The following PREPL variants were observed in gnomAD, a reference collection of about 807,000 sequenced individuals.
PREPL encodes the protein prolyl endopeptidase like, also known as prolyl endopeptidase-like.
PREPL carries 77 observed loss-of-function variants against 70.6 expected under a neutral mutation model. The observed-to-expected ratio is 1.09, with a 90% CI of 0.91 to 1.32. PREPL has a LOEUF of 1.32. PREPL is among the 40% of genes most tolerant of loss of function. PREPL has a pLI of 0.00. For missense variants in PREPL, 1,002 were observed against 778.2 expected, an observed-to-expected ratio of 1.29 and a Z score of -3.42; for synonymous variants, 315 against 264.8, an observed-to-expected ratio of 1.19 and a Z score of -1.84.
intron 3 of PREPL, 146 bp from the exon 4 acceptor site, chr2:44,344,097 C>A (rs1675519757): frequency 4.1e-6 from 4 of 983,232 alleles, no homozygotes; most frequent in Non-Finnish European, 5.8e-6. Flanking sequence ...GCTTAACTTG[C>A]ACATCAACTG....
In PREPL at chr2:44,318,314, A is replaced by C; in HGVS notation, c.*3042T>G. ...ACCATGTTGGCCAGGCTGGTCTTGAACTCCTGACCTCTGGTGATCTGTCTG... is the reference window on the plus strand; with the variant it reads ...ACCATGTTGGCCAGGCTGGTCTTGACCTCCTGACCTCTGGTGATCTGTCTG... On this transcript the variant is annotated 3_prime_UTR_variant, in exon 14 of 14. Coordinates refer to ENST00000409411, the MANE Select transcript of PREPL (RefSeq NM_001171613.2). The C allele has an allele frequency of 4.5e-6, 1 of 222,022 alleles. No individual in the cohort carries two copies. Among genetic ancestry groups the C allele is most frequent in the Non-Finnish European group, 9.3e-6 (1 of 107,202 alleles). 13.8% of individuals were successfully genotyped at this position (222,022 alleles called of 1,614,324 possible). A position where few individuals can be genotyped will look rare whatever the true frequency, so the allele number is the denominator to read the frequency against.
rs1438845878 is a variant in PREPL, at chr2:44,317,889, CAG to C, written c.*3465_*3466del. ...TAGCCTATTAAAAGATAAAACCACT[CAG>C]ATAACAAAAACAGACATAAGAAACA... is the stretch of plus-strand genomic sequence containing the variant. On this transcript the variant is annotated 3_prime_UTR_variant, in exon 14 of 14. Transcript: ENST00000409411. The C allele has an allele frequency of 4.6e-6, 1 of 218,970 alleles. No homozygotes were observed. Among genetic ancestry groups the C allele is most frequent in the African/African-American group, 2.4e-5 (1 of 41,926 alleles). The allele number at this position is 218,970 out of a possible 1,614,324, so 13.6% of individuals were successfully genotyped here.
chr2:44,334,241 G>A (rs1461615281), intron 7 of PREPL, among the ~76,000 whole-genome samples: 2 of 152,152 alleles, frequency 1.3e-5, no homozygotes, highest in Non-Finnish European at 2.9e-5. Flanking sequence ...CCAGGAGATA[G>A]GGAGACATTC....
intron 11 of PREPL, 63 bp from the exon 12 acceptor site, chr2:44,322,917 G>A: frequency 1.3e-6 from 2 of 1,553,260 alleles, no homozygotes; most frequent in Non-Finnish European, 1.7e-6. Context: ...CCACTATAGA[G>A]ACTATGAAAA....
At chr2:44,332,431 A>G (rs755005718) in intron 8 of PREPL, 28 bp downstream of exon 8, 20 of 1,561,982 alleles carry the variant, frequency 1.3e-5, no homozygotes, top group Non-Finnish European at 1.7e-5. Flanking sequence ...AGTAAATGGG[A>G]GCTGAAAGTG....
intron 7 of PREPL, among the ~76,000 whole-genome samples, chr2:44,333,905 C>T (rs892869493): frequency 6.6e-6 from 1 of 152,104 alleles, no homozygotes; most frequent in African/African-American, 2.4e-5. Context: ...GTTCCTTAGC[C>T]CATGGAAGCT....
chr2:44,327,007 A>C (rs1673574916), intron 9 of PREPL, 79 bp from the exon 10 acceptor site: 1 of 1,239,178 alleles, frequency 8.1e-7, no homozygotes, highest in Non-Finnish European at 1.2e-6. Context: ...CTACACCTGG[A>C]GGCCTGTTTT....
At chr2:44,344,728 A>C (rs1675601081) in intron 2 of PREPL, 142 bp from the exon 3 acceptor site, 1 of 562,246 alleles carries the variant, frequency 1.8e-6, no homozygotes, top group South Asian at 3.9e-5. Context: ...ATGAAATATA[A>C]AATTGACCAT....
chr2:44,323,784 G>C (rs570911543), intron 10 of PREPL, among the ~76,000 whole-genome samples: 11 of 152,232 alleles, frequency 7.2e-5, no homozygotes, highest in Admixed American at 6.5e-4. Context: ...AACAAGTATT[G>C]GCAGTAATGT....
rs1142523 is a variant in PREPL at position 44,318,437 on chromosome 2, T to C, written c.*2919A>G. ...AAGACACAAGAAATGATTTAAATAT[T>C]TTATCAACAGAAAACCAGTTCTATC... On this transcript the variant is annotated 3_prime_UTR_variant, in exon 14 of 14. Coordinates refer to ENST00000409411, the MANE Select transcript of PREPL (RefSeq NM_001171613.2). The C allele has an allele frequency of 0.65, 114,039 of 174,828 alleles. 37,924 individuals are homozygous for C. Among genetic ancestry groups the C allele is most frequent in the Middle Eastern group, 0.69 (279 of 402 alleles). 10.8% of individuals were successfully genotyped at this position (174,828 alleles called of 1,614,324 possible).
At chr2:44,326,681 T>C in intron 10 of PREPL, 31 bp downstream of exon 10, 1 of 1,595,038 alleles carries the variant, frequency 6.3e-7, no homozygotes, top group Non-Finnish European at 8.6e-7. Flanking sequence ...CCTCCCCCAT[T>C]CTATAAACAG....
At chr2:44,335,668 G>A (rs1401350652) in intron 7 of PREPL, among the ~76,000 whole-genome samples, 1 of 152,006 alleles carries the variant, frequency 6.6e-6, no homozygotes, top group Non-Finnish European at 1.5e-5. Flanking sequence ...GATGCCAAAA[G>A]CAATTGCAAC....
In PREPL at chr2:44,339,285, C is replaced by T. The variant is rs1293632946; in HGVS notation, c.564G>A (p.Val188=). ...AAGGGCTCAGGCCATCTATCAACCA[C>T]ACTTCAGAAGTAGTCTTGTTCATAA... ...INIMNKTTSE[V]WLIDGLSPWD... is the part of the protein sequence containing the mutation. Residue 188 remains valine, a synonymous_variant, in exon 6 of 14, where the codon GTG becomes GTA. Coordinates refer to ENST00000409411, the MANE Select transcript of PREPL (RefSeq NM_001171613.2). The T allele has an allele frequency of 6.2e-7, 1 of 1,614,056 alleles. No individual in the cohort carries two copies. Among genetic ancestry groups the T allele is most frequent in the Non-Finnish European group, 8.5e-7 (1 of 1,179,998 alleles).
intron 9 of PREPL, among the ~76,000 whole-genome samples, chr2:44,328,060 C>T (rs912884342): frequency 4.0e-4 from 60 of 150,860 alleles, no homozygotes; most frequent in African/African-American, 1.2e-3. Flanking sequence ...CTGAGGCGGG[C>T]GGATCACTTG....
chr2:44,348,394 G>C (rs1315081499), intron 1 of PREPL, among the ~76,000 whole-genome samples: 1 of 152,136 alleles, frequency 6.6e-6, no homozygotes, highest in Non-Finnish European at 1.5e-5. Flanking sequence ...CTGTAAAATA[G>C]CAATAGGAGC....
At chr2:44,339,031 C>A in intron 6 of PREPL, 116 bp downstream of exon 6, 3 of 1,469,758 alleles carry the variant, frequency 2.0e-6, no homozygotes, top group Non-Finnish European at 2.7e-6. Context: ...ATTGGTTATA[C>A]ATAGGAAGGT....
At chr2:44,361,168 G>A (rs898363354) in intron 1 of PREPL, among the ~76,000 whole-genome samples, 4 of 152,178 alleles carry the variant, frequency 2.6e-5, no homozygotes, top group Non-Finnish European at 5.9e-5. Context: ...GTAGATAAAT[G>A]GGTGTTCTCA....
At chr2:44,352,874 GGACA>G (rs1271171101) in intron 1 of PREPL, among the ~76,000 whole-genome samples, 6 of 152,126 alleles carry the variant, frequency 3.9e-5, no homozygotes, top group African/African-American at 1.4e-4. Context: ...AGTAAGAAAA[GGACA>G]GACAATTAAA....
At position 44,321,422 on chromosome 2, in the gene PREPL, C is replaced by T; in HGVS notation, c.1851G>A (p.Leu617=). The change falls in exon 14 of 14, where the codon CTG becomes CTA. Residue 617 remains leucine, a synonymous_variant. Coordinates refer to ENST00000409411, the MANE Select transcript of PREPL (RefSeq NM_001171613.2). ...TGCTGTCAAGTCCAAGTTCCTCGTACAGGAATTTAATTTGGGCTGTAATCT... is the reference window on the plus strand; with the variant it reads ...TGCTGTCAAGTCCAAGTTCCTCGTATAGGAATTTAATTTGGGCTGTAATCT... ...HKKITAQIKF[L]YEELGLDSTS... 2.5e-6 allele frequency: 4 copies of T among 1,612,732 alleles called. No individual in the cohort carries two copies. Among genetic ancestry groups the T allele is most frequent in the East Asian group, 2.2e-5 (1 of 44,846 alleles).
Sources: gnomAD v4.1 joint callset for allele counts (sites outside exome capture counted in the v4.1 genomes callset) on GRCh38, gnomAD v4.1.1 for gene constraint, MANE v1.5 for transcripts, NCBI Gene and HGNC (gene_info 2026-07-23, HGNC 2026-07-21) for gene names.